Variants in P2RX7 observed in about 807,000 individuals in gnomAD.
P2RX7 encodes the protein purinergic receptor P2X 7.
A neutral mutation model predicts 71.6 loss-of-function variants in P2RX7; 62 were observed. The observed-to-expected ratio is 0.87, with a 90% CI of 0.71 to 1.07. The LOEUF is 1.07. Ranked by LOEUF, P2RX7 falls within the 50% of genes least tolerant of loss-of-function variation. The probability of loss-of-function intolerance (pLI) is 0.00; values close to 1 mark genes in which losing one functional copy is unlikely to be tolerated. For synonymous variants in P2RX7, 299 were observed against 283.3 expected (o/e 1.06, Z -0.56); for missense variants, 686 against 748.5 (o/e 0.92, Z 0.97).
intron 12 of P2RX7, among the ~76,000 whole-genome samples, 158 bp from the exon 13 acceptor site, chr12:121,184,147 T>C (rs1173337505): frequency 6.6e-6 from 1 of 152,058 alleles, no homozygotes; most frequent in Non-Finnish European, 1.5e-5. Flanking sequence ...GAGGCAATGC[T>C]TACAGAACAC....
At chr12:121,171,267 C>G (rs1882118221) in intron 8 of P2RX7, among the ~76,000 whole-genome samples, 1 of 152,020 alleles carries the variant, frequency 6.6e-6, no homozygotes, top group Non-Finnish European at 1.5e-5. Flanking sequence ...TCTGGTGGCT[C>G]CAGGCATTCC....
rs1877057311 is a variant in P2RX7 at position 121,149,971 on chromosome 12, A to G, written c.126-4814A>G. On this transcript the variant is annotated intron_variant, in intron 1 of 12. Transcript: ENST00000328963. The surrounding 1 kb of genome is among the most constrained non-coding windows in gnomAD (Gnocchi z 4.7). ...TGCCTTCTACAGAATGCATAACATT[A>G]TAGCCTCTTAGAGCAAAAAGGTCAT... Among the ~76,000 whole-genome samples the G allele has an allele frequency of 6.6e-6, 1 of 152,190 alleles. No individual in the cohort carries two copies. The highest frequency in any genetic ancestry group is 1.5e-5 in the Non-Finnish European group (1 of 68,046).
At chr12:121,174,240 G>T (rs1882712066) in intron 8 of P2RX7, among the ~76,000 whole-genome samples, 1 of 151,654 alleles carries the variant, frequency 6.6e-6, no homozygotes, top group Non-Finnish European at 1.5e-5. Context: ...TAGAGATGGG[G>T]TTTCACCATG....
At chr12:121,169,657 GC>G (rs1371692257) in intron 8 of P2RX7, among the ~76,000 whole-genome samples, 1 of 152,150 alleles carries the variant, frequency 6.6e-6, no homozygotes, top group Non-Finnish European at 1.5e-5. Context: ...TGTAATCCCA[GC>G]ACTTTGGGAG....
chr12:121,161,947 T>C (rs1171145083), intron 4 of P2RX7, among the ~76,000 whole-genome samples: 1 of 152,192 alleles, frequency 6.6e-6, no homozygotes, highest in Non-Finnish European at 1.5e-5. Context: ...ATAAAAGTTA[T>C]TTTAACATTG....
At chr12:121,151,032 C>T (rs879392192) in intron 1 of P2RX7, among the ~76,000 whole-genome samples, 6 of 152,178 alleles carry the variant, frequency 3.9e-5, no homozygotes, top group African/African-American at 7.2e-5. Context: ...CCTGCAAACT[C>T]ATCCTTCATC....
intron 1 of P2RX7, among the ~76,000 whole-genome samples, chr12:121,150,490 A>G (rs1877157707): frequency 6.6e-6 from 1 of 152,256 alleles, no homozygotes; most frequent in Admixed American, 6.5e-5. Context: ...GCTGAAATGT[A>G]TTAATGAGCA....
intron 8 of P2RX7, among the ~76,000 whole-genome samples, chr12:121,171,811 G>A (rs1054507040): frequency 1.8e-4 from 27 of 151,728 alleles, no homozygotes; most frequent in Admixed American, 5.2e-4. Flanking sequence ...TTTGAGTGAG[G>A]GGCTCAGGAG....
Position 121,184,553 on chromosome 12 carries a change from C to T in P2RX7, c.1539C>T (p.Phe513=). 6.2e-7 allele frequency: 1 copy of T among 1,614,210 alleles called. No homozygotes were observed. The highest frequency in any genetic ancestry group is 8.5e-7 in the Non-Finnish European group (1 of 1,180,034). Residue 513 remains phenylalanine (F), a synonymous_variant, in exon 13 of 13, where the codon TTC becomes TTT. Coordinates refer to ENST00000328963, the MANE Select transcript of P2RX7 (RefSeq NM_002562.6). ...CCTGCATCACCACCTCAGAGCTGTT[C>T]AGGAAGCTGGTCCTGTCCAGACACG... ...PGACITTSEL[F]RKLVLSRHVL... is the part of the protein sequence containing the mutation.
chr12:121,143,074 T>A (rs1875325167), intron 1 of P2RX7, among the ~76,000 whole-genome samples: 1 of 139,612 alleles, frequency 7.2e-6, no homozygotes, highest in Non-Finnish European at 1.5e-5. Flanking sequence ...AGAGTGAGAC[T>A]TCATCTCAAA....
At chr12:121,148,697 G>A (rs1339464655) in intron 1 of P2RX7, among the ~76,000 whole-genome samples, 5 of 152,126 alleles carry the variant, frequency 3.3e-5, no homozygotes, top group Non-Finnish European at 2.9e-5. Flanking sequence ...CTTGCCCTGG[G>A]GGTGCTGGCT....
At chr12:121,158,849 A>G (rs539423701) in intron 3 of P2RX7, among the ~76,000 whole-genome samples, 33 of 152,330 alleles carry the variant, frequency 2.2e-4, no homozygotes, top group South Asian at 1.2e-3. Flanking sequence ...ACAATGAATG[A>G]TCACACATTC....
chr12:121,177,223 C>A lies in P2RX7; in HGVS notation c.1038+11C>A, dbSNP rs749098983. ...TCCTACTTCGGTCTGGTAAGAGATT[C>A]TCTTTTCCATGCTTTAGGAAAATGG... On this transcript the variant is annotated intron_variant, in intron 10 of 12. Coordinates refer to ENST00000328963, the MANE Select transcript of P2RX7 (RefSeq NM_002562.6). 1.2e-6 allele frequency: 2 copies of A among 1,614,052 alleles called. No individual in the cohort carries two copies. The highest frequency in any genetic ancestry group is 1.7e-5 in the Admixed American group (1 of 59,992).
intron 11 of P2RX7, among the ~76,000 whole-genome samples, chr12:121,178,642 A>C (rs1253999310): frequency 6.6e-6 from 1 of 151,960 alleles, no homozygotes; most frequent in African/African-American, 2.4e-5. Context: ...AAATACAAAA[A>C]TTAGCCAGGC....
intron 9 of P2RX7, 82 bp from the exon 10 acceptor site, chr12:121,177,065 G>C (rs1883274797): frequency 8.0e-7 from 1 of 1,255,954 alleles, no homozygotes; most frequent in East Asian, 2.3e-5. Context: ...TCCGCTCCCT[G>C]ATAGAACCAA....
At chr12:121,181,249 T>C (rs1884100440) in intron 12 of P2RX7, among the ~76,000 whole-genome samples, 1 of 152,216 alleles carries the variant, frequency 6.6e-6, no homozygotes, top group Non-Finnish European at 1.5e-5. Flanking sequence ...CATGTATAGT[T>C]CATTCTCATT....
chr12:121,176,517 C>A (rs1883159316), intron 9 of P2RX7, among the ~76,000 whole-genome samples: 1 of 152,110 alleles, frequency 6.6e-6, no homozygotes, highest in Non-Finnish European at 1.5e-5. Flanking sequence ...CTTTGGGAGG[C>A]TGAGGCAGGT....
intron 1 of P2RX7, among the ~76,000 whole-genome samples, chr12:121,139,823 C>T (rs1467942872): frequency 1.3e-5 from 2 of 151,648 alleles, no homozygotes; most frequent in African/African-American, 2.4e-5. Context: ...CAACCCCCAC[C>T]TCCTGGGTTC....
chr12:121,167,873 C>T (rs930103608), intron 8 of P2RX7, among the ~76,000 whole-genome samples: 1 of 150,938 alleles, frequency 6.6e-6, no homozygotes, highest in Non-Finnish European at 1.5e-5. Flanking sequence ...AGTGCAGTGG[C>T]GCCATCTCAG....
Sources: gnomAD v4.1 joint callset for allele counts (sites outside exome capture counted in the v4.1 genomes callset) on GRCh38, gnomAD v4.1.1 for gene constraint, Gnocchi (gnomAD v3.1) non-coding constraint, MANE v1.5 for transcripts, NCBI Gene and HGNC (gene_info 2026-07-23, HGNC 2026-07-21) for gene names.